The following MRLN variants were observed in gnomAD, a reference collection of about 807,000 sequenced individuals.
MRLN encodes the protein Linc-RNA activator of myogenesis.
At chr10:59,740,004 T>C (rs1840965020) in intron 1 of MRLN, among the ~76,000 whole-genome samples, 1 of 151,812 alleles carries the variant, frequency 6.6e-6, no homozygotes. Context: ...AGGCAGAGAA[T>C]TGCTTGAACC....
intron 1 of MRLN, among the ~76,000 whole-genome samples, chr10:59,748,380 T>G (rs1169215903): frequency 1.3e-5 from 2 of 152,198 alleles, no homozygotes; most frequent in Admixed American, 6.5e-5. Context: ...TGCCCGAAGT[T>G]GAATTATATG....
In MRLN at chr10:59,738,833, A is replaced by C; in HGVS notation, c.-124-271T>G. The C allele has an allele frequency of 1.3e-5, 2 of 152,214 alleles. 1 individual carries two copies. The highest frequency in any genetic ancestry group is 3.9e-4 in the East Asian group (2 of 5,190). 9.4% of individuals were successfully genotyped at this position (152,214 alleles called of 1,614,324 possible). On this transcript the variant is annotated intron_variant, in intron 1 of 2. Coordinates refer to ENST00000414264, the MANE Select transcript of MRLN (RefSeq NM_001304731.2). ...CATTCACCACACTTTTTAAAGAAGT[A>C]ATTCCCGACCGGGCACGGTGGCTCA...
At position 59,741,866 on chromosome 10, in the gene MRLN, C is replaced by A. The variant is rs535628907; in HGVS notation, c.-124-3304G>T. ...GCTAATTTTTAATTTTTTGTAGAGA[C>A]GGAGTCCTGCTATGTTGCCCAGGCT... On this transcript the variant is annotated intron_variant, in intron 1 of 2. Coordinates refer to ENST00000414264, the MANE Select transcript of MRLN (RefSeq NM_001304731.2). Among the ~76,000 whole-genome samples the A allele has an allele frequency of 2.6e-3, 395 of 152,058 alleles. 5 individuals carry two copies. Among genetic ancestry groups the A allele is most frequent in the Non-Finnish European group, 4.3e-3 (290 of 67,984 alleles).
rs552219162 is a variant in MRLN at position 59,749,885 on chromosome 10, A to G, written c.-125+3469T>C. Among the ~76,000 whole-genome samples, 8 of 152,018 alleles carry G rather than the reference A, an allele frequency of 5.3e-5. No homozygotes were observed. In the East Asian group the frequency reaches 1.4e-3, roughly 26 times the overall value. On this transcript the variant is annotated intron_variant, in intron 1 of 2. Transcript: ENST00000414264. ...CCTTAAGAGATGGAAAGCCCAGAGA[A>G]GCTGAGGCAGACACACAGACACATG...
chr10:59,746,864 C>T (rs1841049061), intron 1 of MRLN, among the ~76,000 whole-genome samples: 1 of 152,200 alleles, frequency 6.6e-6, no homozygotes, highest in Admixed American at 6.5e-5. Context: ...ACGATGTCGG[C>T]TCACTGCACA....
chr10:59,740,055 C>A (rs1295266783), intron 1 of MRLN, among the ~76,000 whole-genome samples: 4 of 150,918 alleles, frequency 2.7e-5, no homozygotes, highest in Non-Finnish European at 5.9e-5. Flanking sequence ...CGCGCCACTG[C>A]ACTCCAGCCT....
chr10:59,740,025 A>G (rs1215832977), intron 1 of MRLN, among the ~76,000 whole-genome samples: 1 of 151,622 alleles, frequency 6.6e-6, no homozygotes, highest in Non-Finnish European at 1.5e-5. Context: ...TAGGAGGTGG[A>G]GGCTGCAGTG....
At chr10:59,751,161 T>A (rs569080935) in intron 1 of MRLN, among the ~76,000 whole-genome samples, 2 of 152,218 alleles carry the variant, frequency 1.3e-5, no homozygotes, top group Admixed American at 6.5e-5. Context: ...GAGTCAAGTT[T>A]AGCTGAAAAT....
intron 1 of MRLN, among the ~76,000 whole-genome samples, chr10:59,751,681 A>AG (rs1179345479): frequency 6.6e-6 from 1 of 151,186 alleles, no homozygotes; most frequent in Admixed American, 6.6e-5. Flanking sequence ...AAAAAAAAAA[A>AG]AAAAAAAAAG....
At chr10:59,744,262 C>T (rs897646964) in intron 1 of MRLN, 21 of 158,422 alleles carry the variant, frequency 1.3e-4, no homozygotes, top group Non-Finnish European at 2.3e-4. Context: ...GTGGGGAGCG[C>T]CTCTGCCCCA....
intron 1 of MRLN, among the ~76,000 whole-genome samples, chr10:59,744,490 G>C (rs1489672408): frequency 6.7e-6 from 1 of 149,244 alleles, no homozygotes; most frequent in Non-Finnish European, 1.5e-5. Flanking sequence ...CGGGAGGTGG[G>C]GGGCAGCCCC....
intron 1 of MRLN, among the ~76,000 whole-genome samples, chr10:59,748,487 G>T (rs1345095673): frequency 6.6e-6 from 1 of 152,158 alleles, no homozygotes; most frequent in Non-Finnish European, 1.5e-5. Context: ...AATGCATATG[G>T]CTGTATGTTT....
intron 1 of MRLN, chr10:59,744,253 T>A: frequency 6.3e-6 from 1 of 158,356 alleles, no homozygotes; most frequent in Non-Finnish European, 1.4e-5. Flanking sequence ...GTCTAGGATG[T>A]GGGGAGCGCC....
At chr10:59,745,041 C>T (rs1841028785) in intron 1 of MRLN, among the ~76,000 whole-genome samples, 1 of 151,986 alleles carries the variant, frequency 6.6e-6, no homozygotes, top group African/African-American at 2.4e-5. Flanking sequence ...GCTGACCTTC[C>T]CTCCACTATT....
At chr10:59,747,694 T>C (rs1370520866) in intron 1 of MRLN, among the ~76,000 whole-genome samples, 1 of 152,216 alleles carries the variant, frequency 6.6e-6, no homozygotes, top group African/African-American at 2.4e-5. Flanking sequence ...GTGACCACAC[T>C]GTATCATGGT....
chr10:59,738,707 A>C (rs1840949166), intron 1 of MRLN, 145 bp from the exon 2 acceptor site: 1 of 152,260 alleles, frequency 6.6e-6, no homozygotes, highest in Admixed American at 6.5e-5. Context: ...TTTTGAAAAT[A>C]TGACACTTTA....
intron 1 of MRLN, among the ~76,000 whole-genome samples, chr10:59,752,154 C>T (rs1449934194): frequency 6.6e-6 from 1 of 152,152 alleles, no homozygotes; most frequent in Non-Finnish European, 1.5e-5. Context: ...TCAGCATTTG[C>T]ATGGTTTACA....
intron 1 of MRLN, among the ~76,000 whole-genome samples, chr10:59,748,783 T>C (rs1166789736): frequency 6.6e-6 from 1 of 152,218 alleles, no homozygotes; most frequent in African/African-American, 2.4e-5. Flanking sequence ...GGATTCTGCA[T>C]TTCACCAGTC....
At chr10:59,747,425 A>G (rs1272883935) in intron 1 of MRLN, among the ~76,000 whole-genome samples, 1 of 152,264 alleles carries the variant, frequency 6.6e-6, no homozygotes, top group East Asian at 1.9e-4. Context: ...GTAGCCTGAT[A>G]ATTCAATGAG....
Sources: allele counts gnomAD v4.1 joint callset (sites outside exome capture counted in the v4.1 genomes callset), GRCh38; gene constraint gnomAD v4.1.1; transcripts MANE v1.5; gene names NCBI Gene and HGNC (gene_info 2026-07-23, HGNC 2026-07-21).